The following CDH12 variants were observed in gnomAD, a reference collection of about 807,000 sequenced individuals.
CDH12 encodes cadherin-12.
A neutral mutation model predicts 74.1 loss-of-function variants in CDH12; 41 were observed. The ratio of observed to expected loss-of-function variants is 0.55; its 90% CI spans 0.43 to 0.72. The LOEUF is 0.72. Among genes scored for constraint, CDH12 ranks in the 30% least tolerant of loss-of-function variants. The probability of loss-of-function intolerance (pLI) is 0.00; values close to 1 mark genes in which losing one functional copy is unlikely to be tolerated. For missense variants in CDH12, 945 were observed against 977.2 expected (o/e 0.97, Z 0.44); for synonymous variants, 399 against 355.0 (o/e 1.12, Z -1.39).
intron 1 of CDH12, among the ~76,000 whole-genome samples, chr5:22,599,361 T>C (rs1158357009): frequency 6.6e-6 from 1 of 152,012 alleles, no homozygotes; most frequent in Non-Finnish European, 1.5e-5. Flanking sequence ...GAGTGGAAAA[T>C]ACAACAAAAG....
At position 21,752,092 on chromosome 5, in the gene CDH12, G is replaced by A. The variant is rs1279913932; in HGVS notation, c.2030C>T (p.Ala677Val). The A allele has an allele frequency of 6.2e-7, 1 of 1,614,046 alleles. No individual in the cohort carries two copies. ...CTCAATCACTTTTGGGTTTCTCAGA[G>A]CCCCGATGTCGAAAGCCTGGGTATC... ...EEDTQAFDIG[A>V]LRNPKVIEEN... Residue 677 changes from alanine to valine, a missense_variant, in exon 15 of 15, where the codon GCT (alanine) becomes GTT (valine). Physicochemically the swap from Ala to Val is moderately conservative, Grantham distance 64. Around this residue, in one of 3 missense-constraint regions of CDH12, gnomAD observed 791 missense variants for 792.8 expected, o/e 1.00. Transcript: ENST00000382254.
At chr5:22,350,923 G>A (rs1241009530) in intron 3 of CDH12, among the ~76,000 whole-genome samples, 1 of 152,160 alleles carries the variant, frequency 6.6e-6, no homozygotes, top group Non-Finnish European at 1.5e-5. Context: ...TCACAAAGTA[G>A]AGTAGTATGT....
At chr5:22,563,679 T>C (rs1363280090) in intron 1 of CDH12, among the ~76,000 whole-genome samples, 1 of 152,196 alleles carries the variant, frequency 6.6e-6, no homozygotes, top group Non-Finnish European at 1.5e-5. Context: ...TAATCTGTTT[T>C]CACACTGTTG....
At chr5:21,810,754 G>GT (rs71607553) in intron 9 of CDH12, among the ~76,000 whole-genome samples, 9,715 of 152,038 alleles carry the variant, frequency 0.064, 379 homozygotes, top group East Asian at 0.16. Flanking sequence ...GCATTCATGT[G>GT]TTTTTTCTTT....
intron 1 of CDH12, among the ~76,000 whole-genome samples, chr5:22,849,678 G>A (rs868591226): frequency 6.6e-6 from 1 of 151,956 alleles, no homozygotes; most frequent in Non-Finnish European, 1.5e-5. Context: ...AATGGGTATC[G>A]GTGTACAGAT....
At chr5:22,266,172 T>A (rs1341086535) in intron 3 of CDH12, among the ~76,000 whole-genome samples, 1 of 151,868 alleles carries the variant, frequency 6.6e-6, no homozygotes, top group Non-Finnish European at 1.5e-5. Context: ...GCCTCCCAGG[T>A]TCAAGCAATT....
rs565259563 is a variant in CDH12 at position 22,608,245 on chromosome 5, C to A, written c.-522-102881G>T. 5.9e-5 allele frequency among the ~76,000 whole-genome samples: 9 copies of A among 152,330 alleles called. No individual in the cohort carries two copies. The East Asian group carries it at 1.7e-3, about 29-fold the overall frequency. On this transcript the variant is annotated intron_variant, in intron 1 of 14. Coordinates refer to ENST00000382254, the MANE Select transcript of CDH12 (RefSeq NM_004061.5). ...TTGGAGCTGCCCAAGGCTGTGGGAGCACACCTCTTGCATCAGCAATGACCT... is the reference window on the plus strand; with the variant it reads ...TTGGAGCTGCCCAAGGCTGTGGGAGAACACCTCTTGCATCAGCAATGACCT...
chr5:22,545,103 T>G (rs183453774), intron 1 of CDH12, among the ~76,000 whole-genome samples: 3 of 152,300 alleles, frequency 2.0e-5, no homozygotes, highest in Non-Finnish European at 4.4e-5. Flanking sequence ...CTGGCTACTT[T>G]TGAGGTGGAT....
rs1480688107 is a variant in CDH12, at chr5:22,815,784, A to AT, written c.-523+37273_-523+37274insA. On this transcript the variant is annotated intron_variant, in intron 1 of 14. Transcript: ENST00000382254. The stretch of plus-strand genomic sequence containing the variant: ...GACTCCGTCTCAAAAAAAAAAAAAA[A>AT]ATAAATAAATAATAAAAATAAAAAA... Among the ~76,000 whole-genome samples the AT allele has an allele frequency of 3.2e-4, 47 of 148,808 alleles. No individual in the cohort carries two copies. In the South Asian group the frequency reaches 4.0e-3, roughly 13 times the overall value.
chr5:21,908,628 A>G (rs1323079498), intron 6 of CDH12, among the ~76,000 whole-genome samples: 1 of 152,204 alleles, frequency 6.6e-6, no homozygotes, highest in Non-Finnish European at 1.5e-5. Flanking sequence ...CATTGACCAA[A>G]GCAAGTCACA....
intron 1 of CDH12, among the ~76,000 whole-genome samples, chr5:22,758,373 G>C (rs1221172071): frequency 6.6e-6 from 1 of 152,076 alleles, no homozygotes; most frequent in Non-Finnish European, 1.5e-5. Flanking sequence ...ACCATTGACA[G>C]CCACTATCAG....
chr5:22,404,703 G>C (rs1396989036), intron 3 of CDH12, among the ~76,000 whole-genome samples: 1 of 152,100 alleles, frequency 6.6e-6, no homozygotes, highest in Non-Finnish European at 1.5e-5. Flanking sequence ...TAATTACAAA[G>C]GAAGTATGTG....
At chr5:21,790,595 G>A (rs1011858388) in intron 10 of CDH12, among the ~76,000 whole-genome samples, 4 of 151,958 alleles carry the variant, frequency 2.6e-5, no homozygotes, top group African/African-American at 9.7e-5. Context: ...TTCTCCTTAT[G>A]TTCTATAAAA....
intron 3 of CDH12, among the ~76,000 whole-genome samples, chr5:22,336,034 G>A (rs1003053113): frequency 3.9e-5 from 6 of 152,128 alleles, no homozygotes; most frequent in African/African-American, 7.2e-5. Context: ...TGAGGTGGTT[G>A]CAGATGGAGA....
intron 6 of CDH12, among the ~76,000 whole-genome samples, chr5:21,896,877 A>G (rs1370230515): frequency 3.3e-5 from 5 of 152,324 alleles, no homozygotes; most frequent in East Asian, 1.9e-4. Context: ...TTTGTCTACA[A>G]GCACATGTAA....
intron 5 of CDH12, among the ~76,000 whole-genome samples, chr5:21,999,449 G>T (rs1223731446): frequency 6.6e-6 from 1 of 152,064 alleles, no homozygotes; most frequent in Non-Finnish European, 1.5e-5. Flanking sequence ...GGTTTGATGC[G>T]CTATCAGTTA....
chr5:22,322,351 T>C (rs1417291279), intron 3 of CDH12, among the ~76,000 whole-genome samples: 2 of 130,820 alleles, frequency 1.5e-5, no homozygotes, highest in African/African-American at 6.3e-5. Flanking sequence ...TTCATAAATA[T>C]ATTTCAGCTT....
At chr5:22,173,174 G>A (rs1354365543) in intron 4 of CDH12, among the ~76,000 whole-genome samples, 1 of 150,116 alleles carries the variant, frequency 6.7e-6, no homozygotes. Flanking sequence ...GTGGTGGCCT[G>A]TGTGTACATG....
intron 5 of CDH12, among the ~76,000 whole-genome samples, chr5:22,064,820 A>G (rs1368759151): frequency 6.6e-6 from 1 of 152,154 alleles, no homozygotes; most frequent in Non-Finnish European, 1.5e-5. Flanking sequence ...CTGCCCTGAA[A>G]AAGACCCTTA....
Sources: gnomAD v4.1 joint callset for allele counts (sites outside exome capture counted in the v4.1 genomes callset) on GRCh38, gnomAD v4.1.1 for gene constraint, gnomAD v4.1.1 regional missense constraint, MANE v1.5 for transcripts, NCBI Gene and HGNC (gene_info 2026-07-23, HGNC 2026-07-21) for gene names.